The following KCNMA1 variants were observed in gnomAD, a reference collection of about 807,000 sequenced individuals.
KCNMA1 encodes potassium calcium-activated channel subfamily M alpha 1, also known as Calcium-activated potassium channel subunit alpha-1.
KCNMA1 carries 29 observed loss-of-function variants against 140.0 expected under a neutral mutation model. The observed-to-expected ratio is 0.21, with a 90% CI of 0.15 to 0.28. The LOEUF (loss-of-function observed/expected upper bound fraction) is 0.28. Among genes scored for constraint, KCNMA1 ranks in the 10% least tolerant of loss-of-function variants. The pLI is 1.00. For synonymous variants in KCNMA1, 612 were observed against 611.9 expected, an observed-to-expected ratio of 1.00 and a Z score of 0.00; for missense variants, 880 against 1,602.2, an observed-to-expected ratio of 0.55 and a Z score of 7.70.
intron 5 of KCNMA1, among the ~76,000 whole-genome samples, chr10:77,167,613 G>A (rs185505317): frequency 2.8e-4 from 42 of 152,130 alleles, no homozygotes; most frequent in Non-Finnish European, 4.6e-4. Context: ...CTTAACCAGG[G>A]CAGAGACTAG....
intron 2 of KCNMA1, among the ~76,000 whole-genome samples, chr10:77,255,295 T>G (rs1484550713): frequency 6.6e-6 from 1 of 151,888 alleles, no homozygotes; most frequent in African/African-American, 2.4e-5. Context: ...GGAACACACA[T>G]ACACGGTGTA....
intron 14 of KCNMA1, among the ~76,000 whole-genome samples, chr10:77,065,010 T>C (rs2095875930): frequency 6.6e-6 from 1 of 152,214 alleles, no homozygotes; most frequent in African/African-American, 2.4e-5. Context: ...AGAAGTTTTC[T>C]GCACCAAAAT....
At chr10:76,920,515 C>A (rs1438205376) in intron 23 of KCNMA1, among the ~76,000 whole-genome samples, 2 of 152,184 alleles carry the variant, frequency 1.3e-5, no homozygotes, top group Non-Finnish European at 2.9e-5. Flanking sequence ...CTCTAAGCCA[C>A]CACGCCATAT....
chr10:76,877,674 A>G, downstream of KCNMA1: 1 of 1,481,232 alleles, frequency 6.8e-7, no homozygotes, highest in Non-Finnish European at 9.2e-7. Context: ...ATGTAAGAAG[A>G]AAAGTCACAT....
chr10:77,619,733 G>A (rs1397051468), intron 1 of KCNMA1, among the ~76,000 whole-genome samples: 1 of 152,162 alleles, frequency 6.6e-6, no homozygotes, highest in Non-Finnish European at 1.5e-5. Context: ...CAGGATGCCT[G>A]TATAGAAAAT....
rs139070164 is a variant in KCNMA1 at position 77,283,974 on chromosome 10, C to T, written c.541-32718G>A. Among the ~76,000 whole-genome samples, 383 of 152,064 alleles carry T rather than the reference C, an allele frequency of 2.5e-3. 2 individuals carry two copies. Among genetic ancestry groups the T allele is most frequent in the African/African-American group, 8.6e-3 (358 of 41,474 alleles). On this transcript the variant is annotated intron_variant, in intron 2 of 27. Transcript: ENST00000286628. ...GAGTAGGTGCTATTTGGGTGAAAGG[C>T]GTGTGCTGTGGGAAAGGGATGGGAA... is the stretch of plus-strand genomic sequence containing the variant.
At chr10:77,046,728 T>G (rs1055224174) in intron 14 of KCNMA1, among the ~76,000 whole-genome samples, 3 of 152,208 alleles carry the variant, frequency 2.0e-5, no homozygotes, top group African/African-American at 7.2e-5. Flanking sequence ...GTTATCTCCT[T>G]CTCTACCCCT....
At chr10:77,591,578 T>C (rs2079168965) in intron 1 of KCNMA1, among the ~76,000 whole-genome samples, 1 of 152,154 alleles carries the variant, frequency 6.6e-6, no homozygotes. Context: ...GACCCAGCAA[T>C]TGGTGTTTTA....
chr10:77,200,553 A>G (rs2042129131), intron 3 of KCNMA1, among the ~76,000 whole-genome samples: 1 of 151,902 alleles, frequency 6.6e-6, no homozygotes. Context: ...TTCCTAAACC[A>G]CATGGTTCTC....
chr10:77,271,999 C>A (rs993540658), intron 2 of KCNMA1, among the ~76,000 whole-genome samples: 1 of 152,172 alleles, frequency 6.6e-6, no homozygotes, highest in Non-Finnish European at 1.5e-5. Flanking sequence ...GCTCCTCCTA[C>A]AAGGCCTTTC....
chr10:77,344,317 A>T (rs2091676357), intron 2 of KCNMA1, among the ~76,000 whole-genome samples: 1 of 152,198 alleles, frequency 6.6e-6, no homozygotes, highest in South Asian at 2.1e-4. Context: ...GTTTTTCCAA[A>T]TGAACGGTCC....
intron 2 of KCNMA1, among the ~76,000 whole-genome samples, chr10:77,322,753 A>C (rs1423889310): frequency 3.3e-5 from 5 of 152,146 alleles, no homozygotes; most frequent in Non-Finnish European, 7.4e-5. Flanking sequence ...GTTCCCAAAC[A>C]CTGGAAGGAG....
chr10:76,878,441 C>G (rs1387686255), intron 29 of KCNMA1, among the ~76,000 whole-genome samples: 2 of 152,154 alleles, frequency 1.3e-5, no homozygotes, highest in Non-Finnish European at 2.9e-5. Flanking sequence ...TCTCCTGTTT[C>G]ATTTGTAGCC....
At position 77,446,238 on chromosome 10, in the gene KCNMA1, G is replaced by A. The variant is rs115595297; in HGVS notation, c.379-42215C>T. Among the ~76,000 whole-genome samples, 402 of 152,338 alleles carry A rather than the reference G, an allele frequency of 2.6e-3. 2 individuals are homozygous for A. The highest frequency in any genetic ancestry group is 9.2e-3 in the African/African-American group (382 of 41,576). On this transcript the variant is annotated intron_variant, in intron 1 of 27. Coordinates refer to ENST00000286628, the MANE Select transcript of KCNMA1 (RefSeq NM_001161352.2). ...TGGACCACCAGTGAAACTAAACAGA[G>A]TCACTGCCTATGAAGTCCCTTCAGT...
At chr10:77,297,875 C>G (rs1405292976) in intron 2 of KCNMA1, among the ~76,000 whole-genome samples, 1 of 152,088 alleles carries the variant, frequency 6.6e-6, no homozygotes, top group African/African-American at 2.4e-5. Flanking sequence ...AGATGGAGAC[C>G]CAAAGGGAGA....
rs200876937 is a variant in KCNMA1 at position 76,887,153 on chromosome 10, A to C, written c.*113T>G. ...CTATCATACATATGCAAATATGTGTAAAAAAAAAGGGGGGGACTACAGGGG... is the reference window on the plus strand; with the variant it reads ...CTATCATACATATGCAAATATGTGTCAAAAAAAAGGGGGGGACTACAGGGG... On this transcript the variant is annotated 3_prime_UTR_variant, in exon 28 of 28. Coordinates refer to ENST00000286628, the MANE Select transcript of KCNMA1 (RefSeq NM_001161352.2). The C allele has an allele frequency of 1.2e-5, 19 of 1,564,124 alleles. No homozygotes were observed. The highest frequency in any genetic ancestry group is 1.6e-5 in the Non-Finnish European group (19 of 1,151,962).
At chr10:77,377,892 G>A (rs996414538) in intron 2 of KCNMA1, among the ~76,000 whole-genome samples, 5 of 152,186 alleles carry the variant, frequency 3.3e-5, no homozygotes, top group African/African-American at 1.2e-4. Flanking sequence ...TCAAGGTGAG[G>A]CCAACCAGTT....
intron 2 of KCNMA1, among the ~76,000 whole-genome samples, chr10:77,280,022 A>G (rs577960015): frequency 5.3e-5 from 8 of 152,320 alleles, no homozygotes; most frequent in African/African-American, 1.7e-4. Context: ...CCCACAGTAC[A>G]TCCCCACCAT....
chr10:76,917,992 C>T (rs1037995726), intron 23 of KCNMA1, among the ~76,000 whole-genome samples: 3 of 152,108 alleles, frequency 2.0e-5, no homozygotes, highest in African/African-American at 7.2e-5. Flanking sequence ...TGGTGTCCAC[C>T]GCATTCCTCA....
Sources: gnomAD v4.1 joint callset for allele counts (sites outside exome capture counted in the v4.1 genomes callset) on GRCh38, gnomAD v4.1.1 for gene constraint, MANE v1.5 for transcripts, NCBI Gene and HGNC (gene_info 2026-07-23, HGNC 2026-07-21) for gene names.